KATNB1: variants seen among roughly 807,000 people sequenced by gnomAD.
The protein encoded by KATNB1 is katanin regulatory subunit B1.
In KATNB1, 38 loss-of-function variants were observed where a neutral mutation model predicts 82.3. That is an observed-to-expected ratio of 0.46 (90% CI 0.36 to 0.61). KATNB1 has a LOEUF of 0.61. Among genes scored for constraint, KATNB1 ranks in the 20% least tolerant of loss-of-function variants. The probability of loss-of-function intolerance (pLI) is 0.00; values close to 1 mark genes in which losing one functional copy is unlikely to be tolerated. For missense variants in KATNB1, 749 were observed against 915.7 expected, an observed-to-expected ratio of 0.82 and a Z score of 2.35; for synonymous variants, 361 against 368.7, an observed-to-expected ratio of 0.98 and a Z score of 0.24.
rs782246818 is a variant in KATNB1, at chr16:57,755,151, T to C, written c.1329T>C (p.Ala443=). The C allele has an allele frequency of 1.9e-6, 3 of 1,612,728 alleles. No homozygotes were observed. In the Admixed American group the frequency reaches 5.0e-5, roughly 27 times the overall value. The change falls in exon 15 of 20, where the codon GCT becomes GCC. Residue 443 remains alanine, a synonymous_variant. Coordinates refer to ENST00000379661, the MANE Select transcript of KATNB1 (RefSeq NM_005886.3). ...TCCTGCCCCGGCCCCCAGTGGTTGC[T>C]TCCACACCTGCACCCAAGGCTGAGC... ...LEVLPRPPVV[A]STPAPKAEPA...
At chr16:57,748,808 G>A (rs2148793068) in intron 4 of KATNB1, among the ~76,000 whole-genome samples, 1 of 152,242 alleles carries the variant, frequency 6.6e-6, no homozygotes, top group East Asian at 1.9e-4. Context: ...GGCGGCCGGT[G>A]CTTCATGCAG....
chr16:57,747,867 A>G (rs186081129), intron 4 of KATNB1, among the ~76,000 whole-genome samples: 1 of 152,310 alleles, frequency 6.6e-6, no homozygotes, highest in African/African-American at 2.4e-5. Context: ...AATGTGAGGA[A>G]TTCCTTGAGG....
Position 57,756,859 on chromosome 16 carries a change from C to T in KATNB1, c.1881C>T (p.Ser627=), listed in dbSNP as rs782233520. 38 of 1,572,372 alleles carry T rather than the reference C, an allele frequency of 2.4e-5. No individual in the cohort carries two copies. Among genetic ancestry groups the T allele is most frequent in the South Asian group, 7.0e-5 (6 of 85,896 alleles). The part of the protein sequence containing the change: ...RLCYKQLKSI[S]GLVKSKSGLS... Reference sequence around the variant, plus strand: ...GCTACAAGCAGCTTAAGAGCATCAGCGGCCTGGTCAAGAGCAAGTCAGGCC... The same window carrying T: ...GCTACAAGCAGCTTAAGAGCATCAGTGGCCTGGTCAAGAGCAAGTCAGGCC... Residue 627 remains serine (S), a synonymous_variant, in exon 20 of 20, where the codon AGC becomes AGT. Transcript: ENST00000379661.
At chr16:57,739,326 G>A in intron 2 of KATNB1, among the ~76,000 whole-genome samples, 1 of 152,174 alleles carries the variant, frequency 6.6e-6, no homozygotes, top group East Asian at 1.9e-4. Context: ...TCCAGGGTCT[G>A]GTGAGGATCA....
intron 2 of KATNB1, among the ~76,000 whole-genome samples, chr16:57,741,113 T>C (rs1555579305): frequency 6.6e-6 from 1 of 152,150 alleles, no homozygotes; most frequent in Non-Finnish European, 1.5e-5. Flanking sequence ...TGATTGTGAA[T>C]CTGAGCCGAA....
intron 2 of KATNB1, among the ~76,000 whole-genome samples, chr16:57,738,887 C>A (rs1322429819): frequency 6.7e-6 from 1 of 149,826 alleles, no homozygotes; most frequent in Non-Finnish European, 1.5e-5. Context: ...CAGGCAGGAA[C>A]TGGATAACCG....
rs2049297962 is a variant in KATNB1 at position 57,756,993 on chromosome 16, C to T, written c.*47C>T. ...CTCGGCAGCCCACAGGGCCTGGCCTCAGCCCCCACTCCTGTTCCTTGTGCA... is the reference window on the plus strand; with the variant it reads ...CTCGGCAGCCCACAGGGCCTGGCCTTAGCCCCCACTCCTGTTCCTTGTGCA... On this transcript the variant is annotated 3_prime_UTR_variant, in exon 20 of 20. Transcript: ENST00000379661. 14 of 1,462,288 alleles carry T rather than the reference C, an allele frequency of 9.6e-6. No homozygotes were observed. Among genetic ancestry groups the T allele is most frequent in the African/African-American group, 1.4e-5 (1 of 70,728 alleles). The allele number at this position is 1,462,288 out of a possible 1,614,324, so 90.6% of individuals were successfully genotyped here.
rs781932266 is a variant in KATNB1 at position 57,752,008 on chromosome 16, C to T, written c.585C>T (p.Val195=). The T allele has an allele frequency of 3.7e-5, 59 of 1,613,260 alleles. No individual in the cohort carries two copies. Among genetic ancestry groups the T allele is most frequent in the South Asian group, 9.9e-5 (9 of 91,042 alleles). Residue 195 remains valine, a synonymous_variant, in exon 8 of 20, where the codon GTC becomes GTT. Transcript: ENST00000379661. The part of the protein sequence containing the change: ...FPGHTGPVNV[V]EFHPNEYLLA... ...GTCACACGGGGCCTGTCAACGTGGT[C>T]GAGTTTCACCCCAACGAGTACCTCC...
chr16:57,737,028 C>T lies in KATNB1; in HGVS notation c.-216C>T, dbSNP rs1420314726. 1 of 702,378 alleles carries T rather than the reference C, an allele frequency of 1.4e-6. No individual in the cohort carries two copies. The highest frequency in any genetic ancestry group is 2.6e-6 in the Non-Finnish European group (1 of 385,738). The allele number at this position is 702,378 out of a possible 1,614,324, so 43.5% of individuals were successfully genotyped here. On this transcript the variant is annotated 5_prime_UTR_variant, in exon 2 of 20. Coordinates refer to ENST00000379661, the MANE Select transcript of KATNB1 (RefSeq NM_005886.3). ...AGCCTAACATTCCATGATCCAGGAT[C>T]GTGACAGATGTGCACAGGCTGCTGC...
Position 57,755,479 on chromosome 16 carries a change from C to T in KATNB1, c.1551C>T (p.Thr517=). 1 of 1,612,850 alleles carries T rather than the reference C, an allele frequency of 6.2e-7. No homozygotes were observed. The highest frequency in any genetic ancestry group is 8.5e-7 in the Non-Finnish European group (1 of 1,179,656). ...TGGACACTGTGCGGGCTGTGTGGAC[C>T]ATGGGCGACATCAAGGCAAGTGCCC... ...KNLDTVRAVW[T]MGDIKTSVDS... Residue 517 remains threonine (T), a synonymous_variant, in exon 16 of 20, where the codon ACC becomes ACT. Coordinates refer to ENST00000379661, the MANE Select transcript of KATNB1 (RefSeq NM_005886.3).
rs2049271970 is a variant in KATNB1, at chr16:57,755,852, C to T, written c.1578C>T (p.Asp526=). ...WTMGDIKTSV[D]SAVAINDLSV... The stretch of plus-strand genomic sequence containing the variant: ...CTCTGTTTGCACAGACGTCGGTGGA[C>T]TCCGCTGTGGCCATCAACGACCTGT... Residue 526 remains aspartate (D), a synonymous_variant, in exon 17 of 20, where the codon GAC becomes GAT. Coordinates refer to ENST00000379661, the MANE Select transcript of KATNB1 (RefSeq NM_005886.3). 1 of 1,590,228 alleles carries T rather than the reference C, an allele frequency of 6.3e-7. No individual in the cohort carries two copies.
chr16:57,754,974 G>T lies in KATNB1; in HGVS notation c.1273G>T (p.Asp425Tyr). The change falls in exon 14 of 20, where the codon GAT (aspartate) becomes TAT (tyrosine). Residue 425 changes from aspartate (D) to tyrosine (Y), a missense_variant. Physicochemically the swap from Asp to Tyr is radical, Grantham distance 160. Coordinates refer to ENST00000379661, the MANE Select transcript of KATNB1 (RefSeq NM_005886.3). ...GGCAGCAAAGCCCAGCCCTGCCATGGATGTGCAGTTCCCGGTGCCAAATGT... is the reference window on the plus strand; with the variant it reads ...GGCAGCAAAGCCCAGCCCTGCCATGTATGTGCAGTTCCCGGTGCCAAATGT... ...KEAAKPSPAM[D>Y]VQFPVPNLEV... 1 of 1,614,108 alleles carries T rather than the reference G, an allele frequency of 6.2e-7. No individual in the cohort carries two copies. Among genetic ancestry groups the T allele is most frequent in the Non-Finnish European group, 8.5e-7 (1 of 1,180,042 alleles).
At chr16:57,750,746 C>A in intron 4 of KATNB1, 81 bp from the exon 5 acceptor site, 1 of 1,043,814 alleles carries the variant, frequency 9.6e-7, no homozygotes, top group Non-Finnish European at 1.5e-6. Context: ...AAAGCGCACA[C>A]ACAAATGCCC....
At chr16:57,752,690 C>A in intron 9 of KATNB1, 88 bp from the exon 10 acceptor site, 2 of 1,554,536 alleles carry the variant, frequency 1.3e-6, no homozygotes, top group Non-Finnish European at 1.7e-6. Context: ...CGCTGCTGCG[C>A]CCTCCCTGCC....
At chr16:57,753,865 C>G in intron 12 of KATNB1, 80 bp from the exon 13 acceptor site, 1 of 1,358,016 alleles carries the variant, frequency 7.4e-7, no homozygotes, top group Non-Finnish European at 1.0e-6. Context: ...ACCCTCCGTC[C>G]CCCGCACTCT....
Position 57,744,414 on chromosome 16 carries a change from C to T in KATNB1, c.192C>T (p.Ser64=), listed in dbSNP as rs1555580655. The change falls in exon 4 of 20, where the codon TCC becomes TCT. Residue 64 remains serine (S), a synonymous_variant. Coordinates refer to ENST00000379661, the MANE Select transcript of KATNB1 (RefSeq NM_005886.3). ...NCIMSLTGHT[S]PVESVRLNTP... Reference sequence around the variant, plus strand: ...CACAGAGCCTGACGGGCCACACATCCCCAGTGGAGAGCGTCCGCCTCAACA... The same window carrying T: ...CACAGAGCCTGACGGGCCACACATCTCCAGTGGAGAGCGTCCGCCTCAACA... The T allele has an allele frequency of 1.2e-6, 2 of 1,613,708 alleles. No homozygotes were observed. The highest frequency in any genetic ancestry group is 1.7e-6 in the Non-Finnish European group (2 of 1,179,994).
chr16:57,741,275 A>G (rs2049139694), intron 2 of KATNB1, among the ~76,000 whole-genome samples: 1 of 152,200 alleles, frequency 6.6e-6, no homozygotes, highest in Non-Finnish European at 1.5e-5. Context: ...TATTTCAATA[A>G]TTGTTTTTCT....
chr16:57,749,756 G>A (rs1328176665), intron 4 of KATNB1, among the ~76,000 whole-genome samples: 3 of 152,198 alleles, frequency 2.0e-5, no homozygotes, highest in African/African-American at 7.2e-5. Flanking sequence ...GGAGATGCCT[G>A]CAAAACCTTC....
chr16:57,742,732 T>G (rs550985255), intron 3 of KATNB1, among the ~76,000 whole-genome samples: 1 of 152,376 alleles, frequency 6.6e-6, no homozygotes, highest in Non-Finnish European at 1.5e-5. Context: ...GCAGAGAGGT[T>G]GTTTCCGGCT....
Sources: gnomAD v4.1 joint callset for allele counts (sites outside exome capture counted in the v4.1 genomes callset) on GRCh38, gnomAD v4.1.1 for gene constraint, MANE v1.5 for transcripts, NCBI Gene and HGNC (gene_info 2026-07-23, HGNC 2026-07-21) for gene names.